The following ANK2 variants were observed in gnomAD, a reference collection of about 807,000 sequenced individuals.
ANK2 encodes ankyrin 2.
In ANK2, 83 loss-of-function variants were observed where a neutral mutation model predicts 360.5. The ratio of observed to expected loss-of-function variants is 0.23; its 90% confidence interval spans 0.19 to 0.28. ANK2 has a LOEUF of 0.28. ANK2 is among the 10% of genes least tolerant of loss of function. The pLI is 1.00. For missense variants in ANK2, 4,201 were observed against 4,795.7 expected (o/e 0.88, Z 3.66); for synonymous variants, 1,740 against 1,759.5 (o/e 0.99, Z 0.28).
At chr4:113,330,115 AT>A in intron 26 of ANK2, 130 bp from the exon 27 acceptor site, 1 of 856,208 alleles carries the variant, frequency 1.2e-6, no homozygotes. Flanking sequence ...AAAAACAAGC[AT>A]TTTACCACCA....
chr4:112,867,046 A>T (rs1304680503), intron 1 of ANK2, among the ~76,000 whole-genome samples: 7 of 151,922 alleles, frequency 4.6e-5, no homozygotes, highest in Admixed American at 4.6e-4. Flanking sequence ...TCTTGAATAC[A>T]CTTTAAAAGT....
chr4:113,082,721 G>A (rs562138665), intron 1 of ANK2, among the ~76,000 whole-genome samples: 2 of 152,310 alleles, frequency 1.3e-5, no homozygotes, highest in African/African-American at 4.8e-5. Context: ...AGTGAAGAGA[G>A]AAAACGTGGC....
chr4:113,124,429 A>C (rs773371013), intron 1 of ANK2, among the ~76,000 whole-genome samples: 6 of 152,194 alleles, frequency 3.9e-5, no homozygotes, highest in Non-Finnish European at 5.9e-5. Flanking sequence ...AATTCTTCAG[A>C]TATTCTCTTT....
chr4:113,012,197 C>T (rs1333945403), intron 2 of ANK2, among the ~76,000 whole-genome samples: 1 of 152,126 alleles, frequency 6.6e-6, no homozygotes, highest in Non-Finnish European at 1.5e-5. Context: ...TTTTTATTCC[C>T]TATCAAAACA....
Position 113,196,613 on chromosome 4 carries a change from C to T in ANK2, c.285+147C>T, listed in dbSNP as rs867709084. The T allele has an allele frequency of 4.6e-5, 35 of 768,160 alleles. No individual in the cohort carries two copies. The African/African-American group carries it at 5.7e-4, about 12-fold the overall frequency. 47.6% of individuals were successfully genotyped at this position (768,160 alleles called of 1,614,324 possible). On this transcript the variant is annotated intron_variant, in intron 3 of 45. Transcript: ENST00000357077. ...TACAATCACGGCTCACCGAAACCTCCACCTCCTGGGCTCAAGTGACCCTCC... is the reference window on the plus strand; with the variant it reads ...TACAATCACGGCTCACCGAAACCTCTACCTCCTGGGCTCAAGTGACCCTCC...
intron 2 of ANK2, among the ~76,000 whole-genome samples, chr4:113,030,226 G>A (rs568321629): frequency 1.1e-4 from 17 of 152,148 alleles, no homozygotes; most frequent in Non-Finnish European, 7.4e-5. Context: ...ATATATTAGG[G>A]AAGGCTCAAC....
At chr4:113,227,563 AG>A (rs1306333744) in intron 4 of ANK2, among the ~76,000 whole-genome samples, 1 of 152,202 alleles carries the variant, frequency 6.6e-6, no homozygotes, top group Non-Finnish European at 1.5e-5. Context: ...CCAATTCAGT[AG>A]GGATGAGGTG....
At chr4:113,160,696 A>G (rs938175319) in intron 1 of ANK2, among the ~76,000 whole-genome samples, 11 of 152,182 alleles carry the variant, frequency 7.2e-5, no homozygotes, top group Non-Finnish European at 1.5e-4. Context: ...TAAGTCATGG[A>G]CTATTTCTAC....
chr4:113,085,681 C>T (rs957485498), intron 1 of ANK2, among the ~76,000 whole-genome samples: 3 of 152,096 alleles, frequency 2.0e-5, no homozygotes, highest in Non-Finnish European at 4.4e-5. Context: ...TAAGAGATAA[C>T]TTTGTAAAAG....
chr4:112,982,240 A>G (rs951188328), intron 2 of ANK2, among the ~76,000 whole-genome samples: 4 of 152,182 alleles, frequency 2.6e-5, no homozygotes, highest in African/African-American at 4.8e-5. Flanking sequence ...AAAATAAACC[A>G]TTTTAGAAAA....
At chr4:113,066,856 T>C (rs563083884) in intron 1 of ANK2, among the ~76,000 whole-genome samples, 1 of 152,278 alleles carries the variant, frequency 6.6e-6, no homozygotes, top group Non-Finnish European at 1.5e-5. Flanking sequence ...CTGCCTCATC[T>C]GTAAACACTG....
chr4:112,760,679 C>T, the ANK2 span, among the ~76,000 whole-genome samples: 2 of 152,008 alleles, frequency 1.3e-5, no homozygotes, highest in African/African-American at 4.8e-5. Context: ...TCTCCTAATG[C>T]TATCCCTCGC....
intron 29 of ANK2, among the ~76,000 whole-genome samples, chr4:113,335,049 T>C (rs2093312601): frequency 6.6e-6 from 1 of 152,186 alleles, no homozygotes; most frequent in African/African-American, 2.4e-5. Context: ...AAATGATTTC[T>C]AAAAATGAAC....
chr4:113,191,919 G>A (rs1290645053), intron 2 of ANK2, among the ~76,000 whole-genome samples: 1 of 152,112 alleles, frequency 6.6e-6, no homozygotes, highest in Non-Finnish European at 1.5e-5. Flanking sequence ...AACCCCAAAT[G>A]TGGACACGAT....
the ANK2 span, chr4:112,788,498 G>A: frequency 1.3e-6 from 2 of 1,583,326 alleles, no homozygotes; most frequent in African/African-American, 2.7e-5. Flanking sequence ...TCTCTTGGTG[G>A]GGACGTCCCC....
intron 1 of ANK2, chr4:112,826,636 G>A (rs7681443): frequency 0.53 from 616,375 of 1,159,350 alleles, 170,890 homozygotes; most frequent in East Asian, 0.91. Flanking sequence ...TCAGGAGGCA[G>A]TGAAAAACGG....
At chr4:112,751,321 T>A in the ANK2 span, among the ~76,000 whole-genome samples, 1 of 152,192 alleles carries the variant, frequency 6.6e-6, no homozygotes, top group African/African-American at 2.4e-5. Context: ...CCTGAATTTT[T>A]AAAATATAGT....
chr4:113,360,784 T>C, intron 38 of ANK2, 39 bp from the exon 39 acceptor site: 1 of 1,590,778 alleles, frequency 6.3e-7, no homozygotes, highest in Non-Finnish European at 8.6e-7. Context: ...TCTCCTGTCA[T>C]AGACAACCTT....
At chr4:113,062,713 C>T (rs955148424) in intron 1 of ANK2, among the ~76,000 whole-genome samples, 13 of 152,060 alleles carry the variant, frequency 8.5e-5, no homozygotes, top group East Asian at 3.9e-4. Flanking sequence ...TTAATACTTA[C>T]GCAGATATGG....
Sources: gnomAD v4.1 joint callset for allele counts (sites outside exome capture counted in the v4.1 genomes callset) on GRCh38, gnomAD v4.1.1 for gene constraint, MANE v1.5 for transcripts, NCBI Gene and HGNC (gene_info 2026-07-23, HGNC 2026-07-21) for gene names.